The following FRMPD4 variants were observed in gnomAD, a reference collection of about 807,000 sequenced individuals.
The protein encoded by FRMPD4 is FERM and PDZ domain-containing protein 4.
Under a neutral mutation model 94.1 loss-of-function variants are expected in FRMPD4, and 22 were observed. The ratio of observed to expected loss-of-function variants is 0.23; its 90% CI spans 0.17 to 0.33. The LOEUF is 0.33. FRMPD4 is among the 10% of genes least tolerant of loss of function. FRMPD4 has a pLI of 1.00. For synonymous variants in FRMPD4, 631 were observed against 548.6 expected (o/e 1.15, Z -2.10); for missense variants, 1,111 against 1,339.9 (o/e 0.83, Z 2.67).
intron 1 of FRMPD4, among the ~76,000 whole-genome samples, chrX:12,455,552 G>A (rs748905489): frequency 3.6e-5 from 4 of 111,702 alleles, no homozygotes; most frequent in East Asian, 2.8e-4. Flanking sequence ...AAGATGATTC[G>A]TGAATAGCTC....
At chrX:11,971,303 A>T (rs1244651644) in intron 3 of FRMPD4, among the ~76,000 whole-genome samples, 1 of 112,085 alleles carries the variant, frequency 8.9e-6, no homozygotes, top group African/African-American at 3.2e-5. Flanking sequence ...CTATTCCCTT[A>T]CCATTTCCTG....
At chrX:11,922,967 G>A (rs1007581188) in intron 3 of FRMPD4, among the ~76,000 whole-genome samples, 2 of 112,813 alleles carry the variant, frequency 1.8e-5, no homozygotes, top group Non-Finnish European at 3.8e-5. Flanking sequence ...TTACAGGGCA[G>A]TCTCAGGTGC....
intron 2 of FRMPD4, among the ~76,000 whole-genome samples, chrX:12,603,684 G>A (rs1445249962): frequency 1.8e-5 from 2 of 110,940 alleles, no homozygotes; most frequent in Admixed American, 1.9e-4. Context: ...GAGGATGGAG[G>A]TTTGAATAGC....
chrX:12,147,604 A>G (rs1452951446), intron 1 of FRMPD4, among the ~76,000 whole-genome samples: 1 of 111,708 alleles, frequency 9.0e-6, no homozygotes, highest in Non-Finnish European at 1.9e-5. Flanking sequence ...TGTCTCATTT[A>G]TGAACTCTTC....
intron 4 of FRMPD4, among the ~76,000 whole-genome samples, chrX:12,638,968 G>A (rs1300277316): frequency 9.0e-6 from 1 of 111,528 alleles, no homozygotes; most frequent in Non-Finnish European, 1.9e-5. Context: ...CCAGGATGAG[G>A]AATCTCCCAC....
At chrX:12,406,303 G>T (rs1441314188) in intron 1 of FRMPD4, among the ~76,000 whole-genome samples, 1 of 112,020 alleles carries the variant, frequency 8.9e-6, no homozygotes, top group Non-Finnish European at 1.9e-5. Flanking sequence ...ATTTCAAGAA[G>T]TATTTATAAT....
chrX:12,582,868 G>A (rs999306541), intron 2 of FRMPD4, among the ~76,000 whole-genome samples: 2 of 111,940 alleles, frequency 1.8e-5, no homozygotes, highest in Admixed American at 9.5e-5. Flanking sequence ...CTGGGAATAC[G>A]GGCGTGCACA....
rs1569234256 is a variant in FRMPD4, at chrX:12,331,774, ATTATATATTTATATACT to A, written c.42-166905_42-166889del. Among the ~76,000 whole-genome samples, 299 of 60,397 alleles carry A rather than the reference ATTATATATTTATATACT, an allele frequency of 5.0e-3. 55 individuals are homozygous for A. The highest frequency in any genetic ancestry group is 0.024 in the African/African-American group (288 of 12,131). The allele number at this position is 60,397 out of a possible 115,157, so 52.4% of individuals were successfully genotyped here. A position where few individuals can be genotyped will look rare whatever the true frequency, so the allele number is the denominator to read the frequency against. ...TTTATATACTATATATAAATTATAT[ATTATATATTTATATACT>A]GTATATAAATTATATATATTTATAT... On this transcript the variant is annotated intron_variant, in intron 1 of 16. Coordinates refer to ENST00000675598, the MANE Select transcript of FRMPD4 (RefSeq NM_001368397.1).
chrX:12,121,387 T>C (rs1327197166), intron 3 of FRMPD4, among the ~76,000 whole-genome samples: 1 of 112,135 alleles, frequency 8.9e-6, no homozygotes, highest in African/African-American at 3.2e-5. Flanking sequence ...TTTAAAAGAA[T>C]TGATAAATAT....
At chrX:12,538,351 CACCACGGCTCAAGGAGGCCT>C (rs2058364586) in intron 2 of FRMPD4, among the ~76,000 whole-genome samples, 1 of 22,525 alleles carries the variant, frequency 4.4e-5, no homozygotes, top group Non-Finnish European at 1.7e-4. Context: ...GGGTGGAGCC[CACCACGGCTCAAGGAGGCCT>C]GCCTGCCTGT....
chrX:11,961,950 A>G (rs1968769266), intron 3 of FRMPD4, among the ~76,000 whole-genome samples: 1 of 112,709 alleles, frequency 8.9e-6, no homozygotes, highest in East Asian at 2.8e-4. Context: ...ATAAAAAGTT[A>G]TTAACCACTG....
chrX:12,659,654 C>G (rs2148484966), intron 4 of FRMPD4, among the ~76,000 whole-genome samples: 1 of 112,565 alleles, frequency 8.9e-6, no homozygotes, highest in African/African-American at 3.2e-5. Context: ...AAATGCCTGG[C>G]CCCAGGTAGA....
chrX:12,059,346 A>G (rs2054872026), intron 3 of FRMPD4, among the ~76,000 whole-genome samples: 1 of 111,947 alleles, frequency 8.9e-6, no homozygotes, highest in South Asian at 3.7e-4. Flanking sequence ...ATACAAATTC[A>G]TGATTGTCCT....
chrX:12,077,810 T>G (rs1340866126), intron 3 of FRMPD4, among the ~76,000 whole-genome samples: 1 of 111,757 alleles, frequency 8.9e-6, no homozygotes, highest in Non-Finnish European at 1.9e-5. Context: ...AAGAAGAGTA[T>G]TACATGGCTC....
chrX:12,225,173 A>G (rs2147765293), intron 1 of FRMPD4, among the ~76,000 whole-genome samples: 1 of 112,619 alleles, frequency 8.9e-6, no homozygotes, highest in South Asian at 3.7e-4. Context: ...GTTTAAAAAC[A>G]TAAATCTACT....
At chrX:12,171,960 C>T (rs1391957547) in intron 1 of FRMPD4, among the ~76,000 whole-genome samples, 1 of 111,080 alleles carries the variant, frequency 9.0e-6, no homozygotes, top group East Asian at 2.8e-4. Flanking sequence ...GGTTACCCTC[C>T]TCCCATCAGC....
At chrX:12,686,315 G>C (rs2060023241) in intron 7 of FRMPD4, 111 bp downstream of exon 7, 1 of 435,864 alleles carries the variant, frequency 2.3e-6, no homozygotes, top group Non-Finnish European at 4.1e-6. Flanking sequence ...TATTTCTGCA[G>C]TTTTGTTGAT....
chrX:11,989,727 C>T (rs1414125331), intron 3 of FRMPD4, among the ~76,000 whole-genome samples: 1 of 111,559 alleles, frequency 9.0e-6, no homozygotes, highest in Non-Finnish European at 1.9e-5. Context: ...GCATTGCATG[C>T]CTATATCAAA....
intron 2 of FRMPD4, among the ~76,000 whole-genome samples, chrX:12,601,278 G>A (rs1267183274): frequency 8.9e-6 from 1 of 112,065 alleles, no homozygotes; most frequent in African/African-American, 3.2e-5. Context: ...CCCACAGTAT[G>A]CGTATTTATG....
Sources: gnomAD v4.1 joint callset for allele counts (sites outside exome capture counted in the v4.1 genomes callset) on GRCh38, gnomAD v4.1.1 for gene constraint, MANE v1.5 for transcripts, NCBI Gene and HGNC (gene_info 2026-07-23, HGNC 2026-07-21) for gene names.